Variants in MBNL2 observed in about 807,000 individuals in gnomAD.
The protein encoded by MBNL2 is muscleblind-like protein 2.
Under a neutral mutation model 41.9 loss-of-function variants are expected in MBNL2, and 17 were observed. That is an observed-to-expected ratio of 0.41 (90% CI 0.28 to 0.61). The LOEUF (loss-of-function observed/expected upper bound fraction) is 0.61. MBNL2 is among the 20% of genes least tolerant of loss of function. The probability of loss-of-function intolerance (pLI) is 0.35; values close to 1 mark genes in which losing one functional copy is unlikely to be tolerated. For missense variants in MBNL2, 336 were observed against 505.6 expected (o/e 0.66, Z 3.22); for synonymous variants, 195 against 182.9 (o/e 1.07, Z -0.53).
chr13:97,192,201 G>GA, the MBNL2 span, among the ~76,000 whole-genome samples: 2 of 152,014 alleles, frequency 1.3e-5, no homozygotes, highest in African/African-American at 2.4e-5. Context: ...TATGGATTCA[G>GA]AAAAAAAGAG....
chr13:97,287,916 C>CTTTTTTTTTTTTTT (rs2054895639), intron 2 of MBNL2, among the ~76,000 whole-genome samples: 1 of 70,562 alleles, frequency 1.4e-5, no homozygotes, highest in African/African-American at 4.3e-5. Context: ...GGCTAATTTT[C>CTTTTTTTTTTTTTT]TGTTTTTTTT....
chr13:97,228,214 T>G (rs2041916863), intron 1 of MBNL2, among the ~76,000 whole-genome samples: 1 of 152,160 alleles, frequency 6.6e-6, no homozygotes, highest in Non-Finnish European at 1.5e-5. Context: ...AGAGAAGCTC[T>G]GAAAAGCTCT....
At chr13:97,147,609 T>C in the MBNL2 span, among the ~76,000 whole-genome samples, 2 of 152,066 alleles carry the variant, frequency 1.3e-5, no homozygotes, top group African/African-American at 2.4e-5. Context: ...ATTGTAAAAA[T>C]ATAATAGAGC....
chr13:97,223,836 A>G (rs1418039509), intron 1 of MBNL2, among the ~76,000 whole-genome samples: 1 of 152,206 alleles, frequency 6.6e-6, no homozygotes, highest in African/African-American at 2.4e-5. Flanking sequence ...TTTACTTTCA[A>G]GGAGAAGTGC....
intron 2 of MBNL2, among the ~76,000 whole-genome samples, 184 bp downstream of exon 2, chr13:97,276,593 A>C (rs1484299743): frequency 6.6e-6 from 1 of 152,106 alleles, no homozygotes; most frequent in Non-Finnish European, 1.5e-5. Context: ...TTTTTTACAT[A>C]CCCATGTTTA....
Position 97,292,200 on chromosome 13 carries a change from CAAA to C in MBNL2, c.174+15811_174+15813del, listed in dbSNP as rs34473435. On this transcript the variant is annotated intron_variant, in intron 2 of 8. Coordinates refer to ENST00000679496, the MANE Select transcript of MBNL2 (RefSeq NM_001382683.1). ...TGGGCAACAGAGCCAGACTCCATCT[CAAA>C]AAAAAAAAAAAAAAAAAAAGTGATT... Among the ~76,000 whole-genome samples the C allele has an allele frequency of 2.3e-3, 159 of 69,480 alleles. 1 individual carries two copies. Among genetic ancestry groups the C allele is most frequent in the African/African-American group, 4.2e-3 (92 of 21,920 alleles). 45.6% of individuals were successfully genotyped at this position (69,480 alleles called of 152,430 possible).
chr13:97,190,825 G>C, the MBNL2 span, among the ~76,000 whole-genome samples: 1 of 152,088 alleles, frequency 6.6e-6, no homozygotes, highest in Non-Finnish European at 1.5e-5. Flanking sequence ...GCCTGAGGTT[G>C]GATTTATAGG....
intron 2 of MBNL2, among the ~76,000 whole-genome samples, chr13:97,290,012 A>C (rs1383149672): frequency 6.6e-6 from 1 of 152,212 alleles, no homozygotes; most frequent in African/African-American, 2.4e-5. Context: ...GTAACTGTAT[A>C]ACTGCAATCA....
At chr13:97,356,418 T>C (rs989358383) in intron 5 of MBNL2, among the ~76,000 whole-genome samples, 1 of 95,400 alleles carries the variant, frequency 1.0e-5, no homozygotes, top group Non-Finnish European at 1.8e-5. Flanking sequence ...CTTACAAATT[T>C]TGCATTTTTT....
At chr13:97,385,500 A>G (rs1002070285) in intron 8 of MBNL2, among the ~76,000 whole-genome samples, 12 of 152,234 alleles carry the variant, frequency 7.9e-5, no homozygotes, top group Non-Finnish European at 1.8e-4. Context: ...TGACTTGCAT[A>G]TATGGAAATT....
chr13:97,243,249 G>T (rs776493555), intron 1 of MBNL2, among the ~76,000 whole-genome samples: 5 of 152,184 alleles, frequency 3.3e-5, no homozygotes, highest in Non-Finnish European at 5.9e-5. Context: ...AAAAATCAAG[G>T]TTCTTAGATT....
At chr13:97,284,181 A>C (rs1017003879) in intron 2 of MBNL2, among the ~76,000 whole-genome samples, 4 of 152,186 alleles carry the variant, frequency 2.6e-5, no homozygotes, top group African/African-American at 9.7e-5. Flanking sequence ...TCAGAAGTCC[A>C]AAATCAAAGT....
At chr13:97,291,373 T>G (rs1171588285) in intron 2 of MBNL2, among the ~76,000 whole-genome samples, 2 of 151,876 alleles carry the variant, frequency 1.3e-5, no homozygotes, top group African/African-American at 4.8e-5. Flanking sequence ...TCCCGAGTAG[T>G]TGGGACTACA....
At chr13:97,204,222 C>A in the MBNL2 span, among the ~76,000 whole-genome samples, 2 of 152,170 alleles carry the variant, frequency 1.3e-5, no homozygotes, top group South Asian at 4.1e-4. Context: ...ATAAGGTCGT[C>A]TTCTCAACGC....
At chr13:97,294,946 T>G (rs1350142568) in intron 2 of MBNL2, among the ~76,000 whole-genome samples, 1 of 152,196 alleles carries the variant, frequency 6.6e-6, no homozygotes, top group Non-Finnish European at 1.5e-5. Context: ...TAACTATAAC[T>G]ATAAACAAAA....
intron 2 of MBNL2, among the ~76,000 whole-genome samples, chr13:97,307,665 T>C (rs1044035739): frequency 6.6e-6 from 1 of 152,238 alleles, no homozygotes; most frequent in African/African-American, 2.4e-5. Flanking sequence ...GTAGCAGCAG[T>C]ATGACAAATT....
intron 2 of MBNL2, among the ~76,000 whole-genome samples, chr13:97,283,925 G>T (rs1009660337): frequency 8.5e-5 from 13 of 152,138 alleles, no homozygotes; most frequent in African/African-American, 3.1e-4. Flanking sequence ...CAGGGCATCA[G>T]GCACCTCCAA....
At chr13:97,173,046 T>C in the MBNL2 span, among the ~76,000 whole-genome samples, 1 of 152,252 alleles carries the variant, frequency 6.6e-6, no homozygotes, top group African/African-American at 2.4e-5. Flanking sequence ...CAGTGGGAAA[T>C]GAGTATGGAA....
At chr13:97,242,570 A>G (rs2044507616) in intron 1 of MBNL2, among the ~76,000 whole-genome samples, 1 of 152,136 alleles carries the variant, frequency 6.6e-6, no homozygotes. Context: ...GTGGTGTCTG[A>G]GACTTGTCCT....
Sources: allele counts gnomAD v4.1 joint callset (sites outside exome capture counted in the v4.1 genomes callset), GRCh38; gene constraint gnomAD v4.1.1; transcripts MANE v1.5; gene names NCBI Gene and HGNC (gene_info 2026-07-23, HGNC 2026-07-21).